Variants in ASXL1 observed in about 807,000 individuals in gnomAD.
The protein encoded by ASXL1 is ASXL transcriptional regulator 1, also known as polycomb group protein ASXL1.
ASXL1 carries 65 observed loss-of-function variants against 89.1 expected under a neutral mutation model. The observed-to-expected ratio is 0.73, with a 90% confidence interval of 0.60 to 0.90. ASXL1 has a LOEUF of 0.90. Ranked by LOEUF, ASXL1 falls within the 40% of genes least tolerant of loss-of-function variation. The pLI is 0.00. For synonymous variants in ASXL1, 739 were observed against 746.9 expected, an observed-to-expected ratio of 0.99 and a Z score of 0.17; for missense variants, 1,786 against 1,942.9, an observed-to-expected ratio of 0.92 and a Z score of 1.52.
In ASXL1 at chr20:32,434,459, T is replaced by C; in HGVS notation, c.1747T>C (p.Trp583Arg). ...RIQLSRIKPP[W>R]VVKGQPTYQI... is the part of the protein sequence containing the mutation. ...TCAACTTTCACGTATCAAACCACCC[T>C]GGGTGGTTAAAGGTCAGCCCACTTA... Residue 583 changes from tryptophan to arginine, a missense_variant, in exon 13 of 13, where the codon TGG becomes CGG. By Grantham distance (101) the Trp-to-Arg change is moderately radical (BLOSUM62 -3). Transcript: ENST00000375687. 6.2e-7 allele frequency: 1 copy of C among 1,614,052 alleles called. No individual in the cohort carries two copies.
At chr20:32,395,925 A>G (rs931061906) in intron 4 of ASXL1, among the ~76,000 whole-genome samples, 1 of 151,998 alleles carries the variant, frequency 6.6e-6, no homozygotes, top group African/African-American at 2.4e-5. Flanking sequence ...CAGCCTCCCA[A>G]GTAGCTGTGA....
At chr20:32,420,537 T>A (rs1008756421) in intron 4 of ASXL1, among the ~76,000 whole-genome samples, 1 of 152,168 alleles carries the variant, frequency 6.6e-6, no homozygotes, top group Non-Finnish European at 1.5e-5. Flanking sequence ...CTTGCCAAAC[T>A]AGTATACGTT....
chr20:32,431,627 T>C lies in ASXL1; in HGVS notation c.927T>C (p.Asn309=), dbSNP rs1037927031. The part of the protein sequence containing the change: ...GLLRLSSSAL[N]NEFFTHAAQS... Reference sequence around the variant, plus strand: ...TGCGTCTCAGCAGCAGTGCACTAAATAACGAGTTTTTTACCCATGCGGCTC... The same window carrying C: ...TGCGTCTCAGCAGCAGTGCACTAAACAACGAGTTTTTTACCCATGCGGCTC... The change falls in exon 10 of 13, where the codon AAT becomes AAC. Residue 309 remains asparagine, a synonymous_variant. Transcript: ENST00000375687. The C allele has an allele frequency of 1.9e-6, 3 of 1,614,072 alleles. No individual in the cohort carries two copies. Among genetic ancestry groups the C allele is most frequent in the Non-Finnish European group, 2.5e-6 (3 of 1,180,036 alleles).
Position 32,435,188 on chromosome 20 carries a change from G to T in ASXL1, c.2476G>T (p.Gly826Ter), listed in dbSNP as rs774018728. ...AGTGGGAGATGATACATTAGAGAAA[G>T]GAACTGGCCAAGCTCTTGACAGTCA... Reference protein sequence around the residue: ...SLVGDDTLEKGTGQALDSHPT... With the variant: ...SLVGDDTLEK The change falls in exon 13 of 13, where the codon GGA (glycine) becomes TGA (stop). Residue 826 changes from glycine to a stop codon, truncating the protein, a stop_gained. Coordinates refer to ENST00000375687, the MANE Select transcript of ASXL1 (RefSeq NM_015338.6). LOFTEE classifies it low-confidence loss of function (END_TRUNC). 6.2e-7 allele frequency: 1 copy of T among 1,613,930 alleles called. No homozygotes were observed. Among genetic ancestry groups the T allele is most frequent in the East Asian group, 2.2e-5 (1 of 44,888 alleles).
intron 1 of ASXL1, among the ~76,000 whole-genome samples, chr20:32,364,842 GTGTTCCATGTGTT>G (rs1317120840): frequency 6.6e-6 from 1 of 152,236 alleles, no homozygotes; most frequent in Non-Finnish European, 1.5e-5. Context: ...CACAAGGTAC[GTGTTCCATGTGTT>G]TGTTGAATGA....
chr20:32,413,699 G>A (rs771791135), intron 4 of ASXL1, among the ~76,000 whole-genome samples: 2 of 152,112 alleles, frequency 1.3e-5, no homozygotes, highest in Non-Finnish European at 2.9e-5. Context: ...GGCAAACTGG[G>A]GCCTGTTGGC....
intron 1 of ASXL1, among the ~76,000 whole-genome samples, chr20:32,361,803 C>A (rs560548724): frequency 2.6e-5 from 4 of 152,228 alleles, no homozygotes; most frequent in Admixed American, 2.6e-4. Flanking sequence ...CGGTGGCTCA[C>A]GCCTGTAATC....
intron 10 of ASXL1, among the ~76,000 whole-genome samples, chr20:32,431,888 T>C (rs190489649): frequency 6.8e-4 from 103 of 152,352 alleles, no homozygotes; most frequent in Non-Finnish European, 2.9e-5. Context: ...ACTTTCACTA[T>C]ATTGTATGTA....
intron 4 of ASXL1, among the ~76,000 whole-genome samples, chr20:32,421,358 A>G (rs917634489): frequency 2.6e-5 from 4 of 152,144 alleles, no homozygotes; most frequent in African/African-American, 7.2e-5. Context: ...ATGAGGTACC[A>G]TTATACTCCC....
intron 4 of ASXL1, among the ~76,000 whole-genome samples, chr20:32,396,193 T>C (rs965680416): frequency 6.6e-6 from 1 of 152,216 alleles, no homozygotes; most frequent in African/African-American, 2.4e-5. Context: ...TCTGATTCTG[T>C]CTCTATATCA....
rs1037113561 is a variant in ASXL1, at chr20:32,437,109, G to A, written c.4397G>A (p.Gly1466Asp). 5.0e-6 allele frequency: 8 copies of A among 1,614,010 alleles called. No individual in the cohort carries two copies. In the African/African-American group the frequency reaches 9.3e-5, roughly 19 times the overall value. ...YSSSSPTFPK[G>D]LAGSVVQLSH... is the part of the protein sequence containing the mutation. ...TCTAGCTCTCCCACCTTTCCCAAAG[G>A]CCTTGCTGGAAGTGTGGTGCAGCTG... is the stretch of plus-strand genomic sequence containing the variant. Residue 1466 changes from glycine (G) to aspartate (D), a missense_variant, in exon 13 of 13, where the codon GGC (glycine) becomes GAC (aspartate). Coordinates refer to ENST00000375687, the MANE Select transcript of ASXL1 (RefSeq NM_015338.6).
In ASXL1 at chr20:32,434,965, T is replaced by TG. The variant is rs1214641052; in HGVS notation, c.2254dup (p.Ala752GlyfsTer22). 1 of 1,614,160 alleles carries TG rather than the reference T, an allele frequency of 6.2e-7. No individual in the cohort carries two copies. Among genetic ancestry groups the TG allele is most frequent in the Non-Finnish European group, 8.5e-7 (1 of 1,180,022 alleles). ...TAGGAGATGCCTCCCAACTCCCCGT[T>TG]GCTCCCACTGGGGACCAGCCATGCC... On this transcript the variant is annotated frameshift_variant, in exon 13 of 13. Coordinates refer to ENST00000375687, the MANE Select transcript of ASXL1 (RefSeq NM_015338.6). LOFTEE classifies it low-confidence loss of function (END_TRUNC).
intron 1 of ASXL1, chr20:32,360,236 G>T (rs1284122822): frequency 6.3e-6 from 1 of 157,966 alleles, no homozygotes; most frequent in Non-Finnish European, 1.4e-5. Context: ...GTTGCCCAGG[G>T]AACAAAAATA....
In ASXL1 at chr20:32,436,224, G is replaced by C; in HGVS notation, c.3512G>C (p.Arg1171Thr). 6.2e-7 allele frequency: 1 copy of C among 1,614,230 alleles called. No individual in the cohort carries two copies. Among genetic ancestry groups the C allele is most frequent in the East Asian group, 2.2e-5 (1 of 44,890 alleles). Residue 1171 changes from arginine (R) to threonine (T), a missense_variant, in exon 13 of 13, where the codon AGG becomes ACG. Physicochemically the swap from Arg to Thr is moderately conservative, Grantham distance 71. Around this residue, in one of 3 missense-constraint regions of ASXL1, gnomAD observed 1,418 missense variants for 1,427.8 expected, o/e 0.99. Coordinates refer to ENST00000375687, the MANE Select transcript of ASXL1 (RefSeq NM_015338.6). ...MVDGSSPSSL[R>T]ALKEPLLPDS... ...GATGGAAGCAGCCCCAGTTCTTTAAGGGCTTTGAAGGAGCCTCTTCTGCCA... is the reference window on the plus strand; with the variant it reads ...GATGGAAGCAGCCCCAGTTCTTTAACGGCTTTGAAGGAGCCTCTTCTGCCA...
chr20:32,437,302 C>T lies in ASXL1; in HGVS notation c.4590C>T (p.Pro1530=). 1.2e-6 allele frequency: 2 copies of T among 1,614,112 alleles called. No individual in the cohort carries two copies. Among genetic ancestry groups the T allele is most frequent in the Non-Finnish European group, 1.7e-6 (2 of 1,180,044 alleles). ...TCTGTCACGATGACTGTATTGGACCCTCAAAGCTCTGTGTATTGTGCCTTG... is the reference window on the plus strand; with the variant it reads ...TCTGTCACGATGACTGTATTGGACCTTCAAAGCTCTGTGTATTGTGCCTTG... ...GAFCHDDCIG[P]SKLCVLCLVV... Residue 1530 remains proline (P), a synonymous_variant, in exon 13 of 13, where the codon CCC becomes CCT. Transcript: ENST00000375687.
intron 4 of ASXL1, among the ~76,000 whole-genome samples, chr20:32,404,140 T>C (rs548964578): frequency 2.6e-5 from 4 of 152,178 alleles, no homozygotes; most frequent in African/African-American, 7.2e-5. Flanking sequence ...TGTATGTTTG[T>C]ACCCATTGAC....
intron 4 of ASXL1, among the ~76,000 whole-genome samples, chr20:32,390,201 T>C (rs1367094488): frequency 6.6e-6 from 1 of 152,226 alleles, no homozygotes; most frequent in Non-Finnish European, 1.5e-5. Flanking sequence ...CTATTTGTAA[T>C]AAAGTGTTGA....
intron 4 of ASXL1, among the ~76,000 whole-genome samples, chr20:32,417,375 T>C (rs896880905): frequency 3.9e-5 from 6 of 152,218 alleles, no homozygotes; most frequent in South Asian, 2.1e-4. Flanking sequence ...TTATTATTAG[T>C]AAGAACTCAG....
At chr20:32,433,110 T>G in intron 11 of ASXL1, 125 bp downstream of exon 11, 2 of 1,539,332 alleles carry the variant, frequency 1.3e-6, no homozygotes, top group South Asian at 2.4e-5. Context: ...CTTGGGTCAT[T>G]TATCTTAATG....
Sources: allele counts gnomAD v4.1 joint callset (sites outside exome capture counted in the v4.1 genomes callset), GRCh38; gene constraint gnomAD v4.1.1; regional missense constraint gnomAD v4.1.1; transcripts MANE v1.5; gene names NCBI Gene and HGNC (gene_info 2026-07-23, HGNC 2026-07-21).